HEPACAM2: variants seen among roughly 807,000 people sequenced by gnomAD.
The protein encoded by HEPACAM2 is mitotic kinetics regulator.
A neutral mutation model predicts 49.6 loss-of-function variants in HEPACAM2; 49 were observed. The observed-to-expected ratio is 0.99, with a 90% CI of 0.78 to 1.25. The LOEUF is 1.25. Ranked by LOEUF, HEPACAM2 falls within the 50% of genes most tolerant of loss-of-function variation. The probability of loss-of-function intolerance (pLI) is 0.00; values close to 1 mark genes in which losing one functional copy is unlikely to be tolerated. For synonymous variants in HEPACAM2, 197 were observed against 202.9 expected (o/e 0.97, Z 0.25); for missense variants, 525 against 557.2 (o/e 0.94, Z 0.58).
chr7:93,190,427 G>C (rs1391787353), intron 9 of HEPACAM2, among the ~76,000 whole-genome samples: 4 of 151,736 alleles, frequency 2.6e-5, no homozygotes, highest in Non-Finnish European at 5.9e-5. Flanking sequence ...TAAAAGAAGA[G>C]AGAGCCACTG....
At chr7:93,213,323 C>T (rs1794223635) in intron 3 of HEPACAM2, among the ~76,000 whole-genome samples, 2 of 151,942 alleles carry the variant, frequency 1.3e-5, no homozygotes, top group South Asian at 4.1e-4. Flanking sequence ...CAGATTATGA[C>T]ATCACAACCT....
chr7:93,223,840 C>T (rs887408310), intron 1 of HEPACAM2, among the ~76,000 whole-genome samples: 1 of 152,072 alleles, frequency 6.6e-6, no homozygotes, highest in Non-Finnish European at 1.5e-5. Context: ...GGACATGAAC[C>T]TATCAATATG....
upstream of HEPACAM2, among the ~76,000 whole-genome samples, chr7:93,228,456 T>G (rs939954182): frequency 1.3e-5 from 2 of 152,068 alleles, no homozygotes; most frequent in South Asian, 4.1e-4. Flanking sequence ...TATAAACTCT[T>G]ACCTGCTGGA....
chr7:93,223,657 A>G (rs574787927), intron 1 of HEPACAM2, among the ~76,000 whole-genome samples: 1 of 152,216 alleles, frequency 6.6e-6, no homozygotes, highest in East Asian at 1.9e-4. Flanking sequence ...GCTTTTTCAA[A>G]TGTTTGTGTG....
At chr7:93,202,269 T>A (rs1214651532) in intron 4 of HEPACAM2, among the ~76,000 whole-genome samples, 1 of 150,882 alleles carries the variant, frequency 6.6e-6, no homozygotes, top group Non-Finnish European at 1.5e-5. Flanking sequence ...ATATTAAATA[T>A]TATATATACA....
chr7:93,206,598 T>C (rs1204441351), intron 4 of HEPACAM2, among the ~76,000 whole-genome samples: 2 of 152,024 alleles, frequency 1.3e-5, no homozygotes, highest in African/African-American at 4.8e-5. Flanking sequence ...ACTAAACATG[T>C]GGCTATTTAC....
intron 4 of HEPACAM2, among the ~76,000 whole-genome samples, chr7:93,197,964 A>G (rs1793779274): frequency 6.6e-6 from 1 of 151,910 alleles, no homozygotes; most frequent in African/African-American, 2.4e-5. Context: ...TTGTTCTCTC[A>G]TTTTCCTTCC....
At chr7:93,205,100 C>CAAAAAAAAA (rs770467095) in intron 4 of HEPACAM2, among the ~76,000 whole-genome samples, 1 of 79,648 alleles carries the variant, frequency 1.3e-5, no homozygotes, top group Non-Finnish European at 2.6e-5. Context: ...AACTTCATCT[C>CAAAAAAAAA]AAAAAAAAAA....
intron 1 of HEPACAM2, among the ~76,000 whole-genome samples, chr7:93,220,098 T>G (rs1292331019): frequency 1.3e-5 from 2 of 152,080 alleles, no homozygotes; most frequent in Non-Finnish European, 2.9e-5. Flanking sequence ...TGATAAGATA[T>G]GAGGTCAGTG....
At chr7:93,221,243 T>C (rs1473393539) in intron 1 of HEPACAM2, among the ~76,000 whole-genome samples, 2 of 152,146 alleles carry the variant, frequency 1.3e-5, no homozygotes, top group Admixed American at 6.6e-5. Context: ...GGAAATTAGA[T>C]ATAAATAGAA....
chr7:93,208,757 T>C lies in HEPACAM2; in HGVS notation c.835A>G (p.Thr279Ala), dbSNP rs759239562. 3 of 1,612,906 alleles carry C rather than the reference T, an allele frequency of 1.9e-6. No homozygotes were observed. Among genetic ancestry groups the C allele is most frequent in the Non-Finnish European group, 2.5e-6 (3 of 1,179,406 alleles). The change falls in exon 4 of 10, where the codon ACC becomes GCC. Residue 279 changes from threonine (T) to alanine (A), a missense_variant. Coordinates refer to ENST00000394468, the MANE Select transcript of HEPACAM2 (RefSeq NM_001039372.4). ...TCAGTCCTCCTAATCCAGGAGTAGG[T>C]GTTGGGGGGATGAGAATCAGCAGAA... is the stretch of plus-strand genomic sequence containing the variant. ...DCSADSHPPN[T>A]YSWIRRTDNT...
rs766642743 is a variant in HEPACAM2 at position 93,219,179 on chromosome 7, C to A, written c.352G>T (p.Gly118Cys). 6.2e-7 allele frequency: 1 copy of A among 1,613,916 alleles called. No individual in the cohort carries two copies. Among genetic ancestry groups the A allele is most frequent in the South Asian group, 1.1e-5 (1 of 91,076 alleles). Residue 118 changes from glycine to cysteine, a missense_variant, in exon 2 of 10, where the codon GGC becomes TGC. By Grantham distance (159) the Gly-to-Cys change is radical. Coordinates refer to ENST00000394468, the MANE Select transcript of HEPACAM2 (RefSeq NM_001039372.4). ...LINPLQFPDE[G>C]NYIVKVNIQG... is the part of the protein sequence containing the mutation. The stretch of plus-strand genomic sequence containing the variant: ...ATGTTGACCTTCACGATGTAATTGC[C>A]TTCATCAGGGAACTGCAGTGGGTTG...
intron 4 of HEPACAM2, among the ~76,000 whole-genome samples, chr7:93,198,966 T>C (rs1271175552): frequency 1.3e-5 from 2 of 152,082 alleles, no homozygotes; most frequent in Non-Finnish European, 2.9e-5. Context: ...TTTAATAAGG[T>C]AGTGTAGATC....
chr7:93,193,748 T>A lies in HEPACAM2; in HGVS notation c.1276-1385A>T, dbSNP rs190678864. Among the ~76,000 whole-genome samples, 485 of 152,240 alleles carry A rather than the reference T, an allele frequency of 3.2e-3. 2 individuals are homozygous for A. Among genetic ancestry groups the A allele is most frequent in the Non-Finnish European group, 3.4e-3 (233 of 67,996 alleles). Reference sequence around the variant, plus strand: ...ACCGTGGCACCTAGCTTATTTTGATTTTTAAAAACTCAGAAAGTTAATAAT... The same window carrying A: ...ACCGTGGCACCTAGCTTATTTTGATATTTAAAAACTCAGAAAGTTAATAAT... On this transcript the variant is annotated intron_variant, in intron 8 of 9. Coordinates refer to ENST00000394468, the MANE Select transcript of HEPACAM2 (RefSeq NM_001039372.4).
At chr7:93,192,678 T>C (rs1793585359) in intron 8 of HEPACAM2, among the ~76,000 whole-genome samples, 1 of 152,024 alleles carries the variant, frequency 6.6e-6, no homozygotes, top group Non-Finnish European at 1.5e-5. Context: ...AGAGAAGATA[T>C]CAGGATATCT....
chr7:93,189,518 G>A (rs913425259), intron 9 of HEPACAM2, among the ~76,000 whole-genome samples: 1 of 151,808 alleles, frequency 6.6e-6, no homozygotes, highest in Non-Finnish European at 1.5e-5. Flanking sequence ...ATATACTAAC[G>A]TCAGTCTTGG....
upstream of HEPACAM2, among the ~76,000 whole-genome samples, chr7:93,227,605 T>C (rs1317208305): frequency 6.6e-6 from 1 of 152,186 alleles, no homozygotes; most frequent in Non-Finnish European, 1.5e-5. Context: ...TAAGTGACTA[T>C]TGGGAAAACG....
intron 1 of HEPACAM2, among the ~76,000 whole-genome samples, chr7:93,224,267 G>A (rs1443307328): frequency 5.3e-5 from 8 of 151,518 alleles, no homozygotes; most frequent in Non-Finnish European, 1.0e-4. Flanking sequence ...GTCTCTATTT[G>A]AAAAAATACA....
chr7:93,226,273 G>T, intron 1 of HEPACAM2, 95 bp downstream of exon 1: 2 of 804,182 alleles, frequency 2.5e-6, no homozygotes, highest in Non-Finnish European at 4.1e-6. Context: ...TTATCTGAAT[G>T]CATCTACAGC....
Sources: allele counts gnomAD v4.1 joint callset (sites outside exome capture counted in the v4.1 genomes callset), GRCh38; gene constraint gnomAD v4.1.1; transcripts MANE v1.5; gene names NCBI Gene and HGNC (gene_info 2026-07-23, HGNC 2026-07-21).